Variants in ADGRL2 observed in about 807,000 individuals in gnomAD.
The protein encoded by ADGRL2 is adhesion G protein-coupled receptor L2.
ADGRL2 carries 44 observed loss-of-function variants against 157.4 expected under a neutral mutation model. The observed-to-expected ratio is 0.28, with a 90% CI of 0.22 to 0.36. ADGRL2 has a LOEUF of 0.36. ADGRL2 is among the 10% of genes least tolerant of loss of function. The pLI is 1.00. For missense variants in ADGRL2, 1,510 were observed against 1,768.9 expected (o/e 0.85, Z 2.63); for synonymous variants, 585 against 624.7 (o/e 0.94, Z 0.95).
At chr1:81,941,744 C>A (rs1348626164) in intron 4 of ADGRL2, among the ~76,000 whole-genome samples, 1 of 151,704 alleles carries the variant, frequency 6.6e-6, no homozygotes, top group Admixed American at 6.6e-5. Context: ...TGAAGAGTTT[C>A]ATTATTTATT....
chr1:81,944,781 T>G (rs1305612853), intron 6 of ADGRL2, among the ~76,000 whole-genome samples: 1 of 151,998 alleles, frequency 6.6e-6, no homozygotes, highest in Non-Finnish European at 1.5e-5. Context: ...TTTTCTTCTC[T>G]TAAAGCAATG....
At chr1:81,989,735 C>T (rs368013307) in intron 23 of ADGRL2, 52 of 1,607,064 alleles carry the variant, frequency 3.2e-5, no homozygotes, top group African/African-American at 6.7e-5. Context: ...TGCTGTCTAT[C>T]GTGATGTTGG....
intron 2 of ADGRL2, among the ~76,000 whole-genome samples, chr1:81,505,805 A>AT (rs111336777): frequency 2.8e-4 from 42 of 149,804 alleles, no homozygotes; most frequent in African/African-American, 9.3e-4. Flanking sequence ...CTGAGTTTTT[A>AT]TTAAAAAAAA....
At chr1:81,932,201 T>C (rs914133576) in intron 3 of ADGRL2, among the ~76,000 whole-genome samples, 1 of 152,216 alleles carries the variant, frequency 6.6e-6, no homozygotes, top group African/African-American at 2.4e-5. Flanking sequence ...TTATTTCCAA[T>C]TTTAGTGTTT....
chr1:81,921,913 C>T (rs538592832), intron 3 of ADGRL2, among the ~76,000 whole-genome samples: 1 of 152,162 alleles, frequency 6.6e-6, no homozygotes, highest in East Asian at 1.9e-4. Context: ...GTGCCAAACA[C>T]TCTAACAGTA....
At chr1:81,485,241 T>C (rs1557725936) in intron 2 of ADGRL2, among the ~76,000 whole-genome samples, 1 of 149,056 alleles carries the variant, frequency 6.7e-6, no homozygotes, top group East Asian at 2.0e-4. Flanking sequence ...GGAAAAGAAA[T>C]AAAAATCATT....
intron 2 of ADGRL2, among the ~76,000 whole-genome samples, chr1:81,885,742 T>C (rs948686710): frequency 6.6e-6 from 1 of 152,144 alleles, no homozygotes; most frequent in Non-Finnish European, 1.5e-5. Context: ...AGATTGAGGA[T>C]TCATTGCGAT....
At chr1:81,459,727 CATACACACACATAT>C (rs1251025892) in intron 2 of ADGRL2, among the ~76,000 whole-genome samples, 216 of 151,602 alleles carry the variant, frequency 1.4e-3, no homozygotes, top group Non-Finnish European at 2.3e-3. Flanking sequence ...TATACACACA[CATACACACACATAT>C]ATACACACAC....
At chr1:81,415,740 A>G (rs1192906906) in intron 1 of ADGRL2, among the ~76,000 whole-genome samples, 2 of 152,244 alleles carry the variant, frequency 1.3e-5, no homozygotes, top group Non-Finnish European at 2.9e-5. Flanking sequence ...TAGTCCTGAA[A>G]TACTAATAGA....
intron 2 of ADGRL2, among the ~76,000 whole-genome samples, chr1:81,556,918 A>G (rs1470828281): frequency 2.0e-5 from 3 of 151,846 alleles, no homozygotes; most frequent in African/African-American, 7.3e-5. Context: ...TCTACTAAAA[A>G]TACACAAAAA....
intron 2 of ADGRL2, among the ~76,000 whole-genome samples, chr1:81,511,378 A>G (rs1409607932): frequency 1.3e-4 from 11 of 86,418 alleles, no homozygotes; most frequent in South Asian, 4.1e-4. Flanking sequence ...CTTGTCTCAG[A>G]AAAAAAAAAA....
chr1:81,676,758 C>A (rs369587328), intron 3 of ADGRL2, among the ~76,000 whole-genome samples: 1 of 151,964 alleles, frequency 6.6e-6, no homozygotes, highest in East Asian at 1.9e-4. Flanking sequence ...GCGTTCTCAG[C>A]TCACTGCAAA....
chr1:81,699,453 G>A (rs183379597), upstream of ADGRL2, among the ~76,000 whole-genome samples: 21 of 152,272 alleles, frequency 1.4e-4, no homozygotes, highest in Non-Finnish European at 2.5e-4. Context: ...TCAGTTAGTC[G>A]GGCCCAGTGC....
intron 2 of ADGRL2, among the ~76,000 whole-genome samples, chr1:81,524,933 A>T (rs756487615): frequency 1.3e-5 from 2 of 152,124 alleles, no homozygotes; most frequent in Non-Finnish European, 2.9e-5. Context: ...GATGGAATAT[A>T]TACATTTGTA....
chr1:81,754,095 G>T (rs551334269), intron 1 of ADGRL2, among the ~76,000 whole-genome samples: 1 of 152,162 alleles, frequency 6.6e-6, no homozygotes, highest in South Asian at 2.1e-4. Context: ...ATCTGTCATG[G>T]TGGTGTGCTG....
chr1:81,705,798 C>T (rs1486250220), intron 1 of ADGRL2, among the ~76,000 whole-genome samples: 1 of 151,862 alleles, frequency 6.6e-6, no homozygotes, highest in Non-Finnish European at 1.5e-5. Context: ...CTCAGATATT[C>T]AGGAGGCTGA....
chr1:81,828,768 A>C (rs542531304), intron 1 of ADGRL2, among the ~76,000 whole-genome samples: 2 of 152,284 alleles, frequency 1.3e-5, no homozygotes, highest in African/African-American at 4.8e-5. Context: ...CTAAAACATA[A>C]ATTTTAATTT....
At chr1:81,605,838 C>T (rs1009832009) in intron 3 of ADGRL2, among the ~76,000 whole-genome samples, 1 of 152,156 alleles carries the variant, frequency 6.6e-6, no homozygotes, top group Admixed American at 6.5e-5. Flanking sequence ...AAAATGTTTT[C>T]CATTTGAGAC....
chr1:81,756,199 A>G (rs2085683728), intron 1 of ADGRL2, among the ~76,000 whole-genome samples: 2 of 152,158 alleles, frequency 1.3e-5, no homozygotes, highest in East Asian at 1.9e-4. Context: ...ACTCTCATCC[A>G]TTCTTGAAGA....
Sources: gnomAD v4.1 joint callset for allele counts (sites outside exome capture counted in the v4.1 genomes callset) on GRCh38, gnomAD v4.1.1 for gene constraint, MANE v1.5 for transcripts, NCBI Gene and HGNC (gene_info 2026-07-23, HGNC 2026-07-21) for gene names.